Variants in RNGTT observed in about 807,000 individuals in gnomAD.
RNGTT encodes the protein mRNA-capping enzyme.
Under a neutral mutation model 79.3 loss-of-function variants are expected in RNGTT, and 33 were observed. The observed-to-expected ratio is 0.42, with a 90% confidence interval of 0.32 to 0.56. The LOEUF (loss-of-function observed/expected upper bound fraction) is 0.56. Ranked by LOEUF, RNGTT falls within the 20% of genes least tolerant of loss-of-function variation. RNGTT has a pLI of 0.17. For synonymous variants in RNGTT, 222 were observed against 235.9 expected (o/e 0.94, Z 0.54); for missense variants, 497 against 739.1 (o/e 0.67, Z 3.80).
chr6:88,625,037 T>C lies in RNGTT; in HGVS notation c.1507-10642A>G, dbSNP rs546354649. Among the ~76,000 whole-genome samples, 3 of 152,054 alleles carry C rather than the reference T, an allele frequency of 2.0e-5. No homozygotes were observed. The South Asian group carries it at 6.2e-4, about 32-fold the overall frequency. On this transcript the variant is annotated intron_variant, in intron 14 of 15. Transcript: ENST00000369485. Reference sequence around the variant, plus strand: ...TAAAATCACACTGAGATACTATATATACCTATTAGAATGTCTAAAATAAAA... The same window carrying C: ...TAAAATCACACTGAGATACTATATACACCTATTAGAATGTCTAAAATAAAA...
chr6:88,647,699 GTT>G (rs202105514), intron 14 of RNGTT, among the ~76,000 whole-genome samples: 1,725 of 66,670 alleles, frequency 0.026, 62 homozygotes, highest in African/African-American at 0.19. Context: ...CCGACACCCT[GTT>G]AAAAAAAAAA....
At chr6:88,897,301 T>A (rs1305831035) in intron 6 of RNGTT, among the ~76,000 whole-genome samples, 2 of 152,172 alleles carry the variant, frequency 1.3e-5, no homozygotes, top group Non-Finnish European at 2.9e-5. Flanking sequence ...TTTTCCACTC[T>A]CATACATAGG....
intron 14 of RNGTT, among the ~76,000 whole-genome samples, chr6:88,648,666 T>C (rs1460429659): frequency 1.3e-5 from 2 of 152,110 alleles, no homozygotes; most frequent in Non-Finnish European, 2.9e-5. Context: ...CAGAGAAAGA[T>C]AAAAACACGC....
chr6:88,723,219 A>T (rs778965385), intron 13 of RNGTT, among the ~76,000 whole-genome samples: 2 of 152,230 alleles, frequency 1.3e-5, no homozygotes, highest in Non-Finnish European at 2.9e-5. Flanking sequence ...GAAACTGATT[A>T]TCCTGACCCT....
intron 8 of RNGTT, among the ~76,000 whole-genome samples, chr6:88,888,109 C>T (rs1387446992): frequency 1.3e-5 from 2 of 151,774 alleles, no homozygotes; most frequent in Admixed American, 6.6e-5. Flanking sequence ...AGAGTGAGGA[C>T]CCTGTCTCAA....
chr6:88,796,856 T>G (rs1435230213), intron 12 of RNGTT, among the ~76,000 whole-genome samples: 2 of 152,140 alleles, frequency 1.3e-5, no homozygotes, highest in East Asian at 3.9e-4. Flanking sequence ...CAGTTATAAC[T>G]TACGAGATAA....
chr6:88,900,077 T>C (rs1783394902), intron 6 of RNGTT, among the ~76,000 whole-genome samples: 1 of 151,924 alleles, frequency 6.6e-6, no homozygotes, highest in Non-Finnish European at 1.5e-5. Context: ...CCTCAAATTA[T>C]TTACATAATT....
At chr6:88,692,423 G>GAT (rs1775514561) in intron 13 of RNGTT, among the ~76,000 whole-genome samples, 1 of 151,180 alleles carries the variant, frequency 6.6e-6, no homozygotes, top group African/African-American at 2.4e-5. Context: ...AGTAAATGGT[G>GAT]ATATAGTCAT....
chr6:88,861,685 A>G (rs145170956), intron 8 of RNGTT, among the ~76,000 whole-genome samples: 54 of 152,294 alleles, frequency 3.5e-4, no homozygotes, highest in African/African-American at 1.3e-3. Context: ...ATAAAGCAAA[A>G]TTTAAAGTAA....
At chr6:88,842,218 A>C (rs1157481475) in intron 11 of RNGTT, among the ~76,000 whole-genome samples, 1 of 152,226 alleles carries the variant, frequency 6.6e-6, no homozygotes, top group Non-Finnish European at 1.5e-5. Flanking sequence ...CACAGAAAAC[A>C]CCATGTATAG....
intron 13 of RNGTT, among the ~76,000 whole-genome samples, chr6:88,765,745 A>G (rs1365435200): frequency 6.6e-6 from 1 of 152,198 alleles, no homozygotes; most frequent in African/African-American, 2.4e-5. Flanking sequence ...CTTAACCACT[A>G]TATGCTATAT....
At chr6:88,929,308 C>T (rs1331047430) in intron 2 of RNGTT, 41 bp from the exon 3 acceptor site, 2 of 1,272,328 alleles carry the variant, frequency 1.6e-6, no homozygotes, top group Non-Finnish European at 2.2e-6. Flanking sequence ...TTACTAGTAA[C>T]TTAATTTGTT....
chr6:88,731,295 A>C (rs1185762874), intron 13 of RNGTT, among the ~76,000 whole-genome samples: 13 of 152,216 alleles, frequency 8.5e-5, no homozygotes. Context: ...ACCTCAAACT[A>C]AAGGCCAATC....
chr6:88,928,203 C>T lies in RNGTT; in HGVS notation c.367+782G>A, dbSNP rs116385493. Among the ~76,000 whole-genome samples, 843 of 152,060 alleles carry T rather than the reference C, an allele frequency of 5.5e-3. 7 individuals carry two copies. The highest frequency in any genetic ancestry group is 0.018 in the African/African-American group (730 of 41,462). On this transcript the variant is annotated intron_variant, in intron 4 of 15. Coordinates refer to ENST00000369485, the MANE Select transcript of RNGTT (RefSeq NM_003800.5). ...CTCCGGCCCGGGCGATACAGCAAGA[C>T]TTTGTCTCAAAAAATAATTTTTCAT...
At chr6:88,952,928 AC>A (rs1441917895) in intron 1 of RNGTT, among the ~76,000 whole-genome samples, 3 of 152,236 alleles carry the variant, frequency 2.0e-5, no homozygotes, top group Non-Finnish European at 2.9e-5. Flanking sequence ...GGGAGAGAGC[AC>A]AACATCAAGG....
At chr6:88,828,551 T>C (rs1477926791) in intron 11 of RNGTT, among the ~76,000 whole-genome samples, 3 of 152,058 alleles carry the variant, frequency 2.0e-5, no homozygotes, top group Non-Finnish European at 4.4e-5. Context: ...GTTTGAGGAA[T>C]TGACAGAAGT....
In RNGTT at chr6:88,671,228, C is replaced by T. The variant is rs1229687357; in HGVS notation, c.1506+7125G>A. 2.6e-5 allele frequency among the ~76,000 whole-genome samples: 4 copies of T among 152,110 alleles called. No individual in the cohort carries two copies. In the East Asian group the frequency reaches 7.7e-4, roughly 29 times the overall value. On this transcript the variant is annotated intron_variant, in intron 14 of 15. Coordinates refer to ENST00000369485, the MANE Select transcript of RNGTT (RefSeq NM_003800.5). The stretch of plus-strand genomic sequence containing the variant: ...CCCTAAAGACTTATCCAAAAAGCTC[C>T]TAGATCTGATAAATGAATTCAGTAA...
intron 14 of RNGTT, among the ~76,000 whole-genome samples, chr6:88,663,800 G>T (rs1476582946): frequency 6.6e-6 from 1 of 152,198 alleles, no homozygotes; most frequent in East Asian, 1.9e-4. Flanking sequence ...AGAGAGCAAC[G>T]GTATACTGGG....
At chr6:88,730,918 G>A (rs1250609374) in intron 13 of RNGTT, among the ~76,000 whole-genome samples, 2 of 152,124 alleles carry the variant, frequency 1.3e-5, no homozygotes, top group African/African-American at 4.8e-5. Context: ...TCTCATCTAA[G>A]AGGCCAAAAC....
Sources: gnomAD v4.1 joint callset for allele counts (sites outside exome capture counted in the v4.1 genomes callset) on GRCh38, gnomAD v4.1.1 for gene constraint, MANE v1.5 for transcripts, NCBI Gene and HGNC (gene_info 2026-07-23, HGNC 2026-07-21) for gene names.